PTPRJ: variants seen among roughly 807,000 people sequenced by gnomAD.
PTPRJ encodes the protein receptor-type tyrosine-protein phosphatase eta.
PTPRJ carries 129 observed loss-of-function variants against 141.3 expected under a neutral mutation model. The ratio of observed to expected loss-of-function variants is 0.91; its 90% CI spans 0.79 to 1.06. The LOEUF is 1.06. Ranked by LOEUF, PTPRJ falls within the 50% of genes least tolerant of loss-of-function variation. The pLI is 0.00. For synonymous variants in PTPRJ, 610 were observed against 640.5 expected (o/e 0.95, Z 0.72); for missense variants, 1,601 against 1,679.7 (o/e 0.95, Z 0.82).
chr11:48,048,960 G>T (rs541228180), intron 1 of PTPRJ, among the ~76,000 whole-genome samples: 1 of 152,294 alleles, frequency 6.6e-6, no homozygotes, highest in Non-Finnish European at 1.5e-5. Context: ...GGCTCACACA[G>T]CCAATGCTGG....
rs1264936893 is a variant in PTPRJ, at chr11:48,168,997, G to A, written c.*1635G>A. ...ATGTGTCCTGCTGTAAACAGGACAG[G>A]TGTGTCCTGTTGAGAATGTGAGCGG... On this transcript the variant is annotated 3_prime_UTR_variant, in exon 25 of 25. Transcript: ENST00000418331. The A allele has an allele frequency of 6.6e-6, 1 of 152,100 alleles. No homozygotes were observed. Among genetic ancestry groups the A allele is most frequent in the African/African-American group, 2.4e-5 (1 of 41,420 alleles). 9.4% of individuals were successfully genotyped at this position (152,100 alleles called of 1,614,324 possible).
At chr11:48,154,413 A>G (rs1426284403) in intron 19 of PTPRJ, among the ~76,000 whole-genome samples, 1 of 152,246 alleles carries the variant, frequency 6.6e-6, no homozygotes, top group Non-Finnish European at 1.5e-5. Flanking sequence ...TTGAGAATTA[A>G]CAATGTCTGC....
In PTPRJ at chr11:48,137,125, A is replaced by C; in HGVS notation, c.1996A>C (p.Asn666His). Residue 666 changes from asparagine (N) to histidine (H), a missense_variant, in exon 10 of 25, where the codon AAT (asparagine) becomes CAT (histidine). Transcript: ENST00000418331. ...SYCLLIEKAG[N>H]SSNATQVVTD... ...CTGCCTTCTTATTGAGAAGGCTGGA[A>C]ATTCCAGCAACGCAACACAAGTAGT... 1 of 1,612,462 alleles carries C rather than the reference A, an allele frequency of 6.2e-7. No homozygotes were observed. Among genetic ancestry groups the C allele is most frequent in the Non-Finnish European group, 8.5e-7 (1 of 1,178,464 alleles).
intron 2 of PTPRJ, 44 bp downstream of exon 2, chr11:48,110,120 C>T (rs1368656936): frequency 3.8e-6 from 6 of 1,585,670 alleles, no homozygotes; most frequent in African/African-American, 1.3e-5. Context: ...TTCGCTACTG[C>T]CCCCTAATGG....
In PTPRJ at chr11:48,027,488, A is replaced by G. The variant is rs145008647; in HGVS notation, c.96+46480A>G. ...AACTGAATCCCCTCCCTGTTCCCCA[A>G]CACAATAAAACTTCAGTGTCGTCTG... On this transcript the variant is annotated intron_variant, in intron 1 of 24. Coordinates refer to ENST00000418331, the MANE Select transcript of PTPRJ (RefSeq NM_002843.4). 5.5e-3 allele frequency among the ~76,000 whole-genome samples: 841 copies of G among 151,986 alleles called. 12 individuals are homozygous for G. Among genetic ancestry groups the G allele is most frequent in the African/African-American group, 0.019 (802 of 41,458 alleles).
chr11:48,019,051 C>G (rs939619457), intron 1 of PTPRJ, among the ~76,000 whole-genome samples: 4 of 151,940 alleles, frequency 2.6e-5, no homozygotes, highest in Admixed American at 2.6e-4. Flanking sequence ...GATGGAGAAC[C>G]CCTCTCAGGA....
chr11:48,157,043 G>A (rs1338413847), intron 21 of PTPRJ, among the ~76,000 whole-genome samples: 2 of 151,872 alleles, frequency 1.3e-5, no homozygotes, highest in African/African-American at 4.8e-5. Context: ...AGGCTGGAGT[G>A]CCGTGGTGTG....
chr11:48,107,752 G>A (rs577612679), intron 1 of PTPRJ, among the ~76,000 whole-genome samples: 15 of 152,268 alleles, frequency 9.9e-5, no homozygotes, highest in Admixed American at 2.0e-4. Flanking sequence ...CTGGGCCTCC[G>A]TGCCCTCTGC....
At chr11:48,104,970 G>T (rs1478095752) in intron 1 of PTPRJ, among the ~76,000 whole-genome samples, 3 of 152,076 alleles carry the variant, frequency 2.0e-5, no homozygotes, top group Non-Finnish European at 4.4e-5. Context: ...TGGAAAATGG[G>T]GATAAACACA....
intron 1 of PTPRJ, among the ~76,000 whole-genome samples, chr11:48,053,043 T>C (rs1590443221): frequency 7.1e-6 from 1 of 141,496 alleles, no homozygotes; most frequent in Non-Finnish European, 1.5e-5. Context: ...GCTCTGTGTT[T>C]CCAGATATTG....
chr11:48,009,929 C>G (rs926700559), intron 1 of PTPRJ, among the ~76,000 whole-genome samples: 3 of 152,252 alleles, frequency 2.0e-5, no homozygotes, highest in African/African-American at 7.2e-5. Context: ...TCAAGGCCCC[C>G]CATGCCTGTT....
chr11:48,146,531 C>G (rs1857354495), intron 14 of PTPRJ, among the ~76,000 whole-genome samples: 1 of 152,172 alleles, frequency 6.6e-6, no homozygotes, highest in African/African-American at 2.4e-5. Context: ...GTGCTAGTCT[C>G]AAAATGTCAG....
At chr11:48,086,243 G>A (rs1228905408) in intron 1 of PTPRJ, among the ~76,000 whole-genome samples, 1 of 152,044 alleles carries the variant, frequency 6.6e-6, no homozygotes, top group African/African-American at 2.4e-5. Context: ...GCATGATCTC[G>A]GCTCATTGCA....
chr11:48,002,972 T>TC (rs760902640), intron 1 of PTPRJ, among the ~76,000 whole-genome samples: 107 of 151,828 alleles, frequency 7.0e-4, no homozygotes, highest in Middle Eastern at 6.8e-3. Context: ...AAGCCCTTTA[T>TC]CCCCCCCATC....
At chr11:48,057,329 G>A (rs899084095) in intron 1 of PTPRJ, among the ~76,000 whole-genome samples, 2 of 152,202 alleles carry the variant, frequency 1.3e-5, no homozygotes, top group South Asian at 2.1e-4. Flanking sequence ...AGGTGCTTAT[G>A]ATTGGAGTTT....
chr11:48,072,795 G>A (rs1225312634), intron 1 of PTPRJ, among the ~76,000 whole-genome samples: 2 of 152,034 alleles, frequency 1.3e-5, no homozygotes, highest in African/African-American at 2.4e-5. Context: ...TTGCACAGAT[G>A]AACATTAATA....
chr11:48,091,777 C>T lies in PTPRJ; in HGVS notation c.97-18281C>T, dbSNP rs575540322. Among the ~76,000 whole-genome samples the T allele has an allele frequency of 2.0e-5, 3 of 152,308 alleles. 1 individual carries two copies. The South Asian group carries it at 6.2e-4, about 32-fold the overall frequency. ...TGGAAATACCTCCCAAGAGGCCTTG[C>T]TCTTTATGCAGGACTGTTATTTCAA... On this transcript the variant is annotated intron_variant, in intron 1 of 24. Coordinates refer to ENST00000418331, the MANE Select transcript of PTPRJ (RefSeq NM_002843.4).
At position 47,980,922 on chromosome 11, in the gene PTPRJ, G is replaced by A; in HGVS notation, c.10G>A (p.Ala4Thr). The change falls in exon 1 of 25, where the codon GCG becomes ACG. Residue 4 changes from alanine (A) to threonine (T), a missense_variant. Physicochemically the swap from Ala to Thr is moderately conservative, Grantham distance 58 (BLOSUM62 0). Transcript: ENST00000418331. MKP[A>T]AREARLPPRS... is the part of the protein sequence containing the mutation. The stretch of plus-strand genomic sequence containing the variant: ...CCAGGGCGCGCGGGGCATGAAGCCG[G>A]CGGCGCGGGAGGCGCGGCTGCCTCC... 8.5e-7 allele frequency: 1 copy of A among 1,176,000 alleles called. No homozygotes were observed. Among genetic ancestry groups the A allele is most frequent in the Non-Finnish European group, 1.0e-6 (1 of 952,692 alleles). The allele number at this position is 1,176,000 out of a possible 1,614,324, so 72.8% of individuals were successfully genotyped here. A position where few individuals can be genotyped will look rare whatever the true frequency, so the allele number is the denominator to read the frequency against.
At chr11:48,102,048 G>A (rs1340209211) in intron 1 of PTPRJ, among the ~76,000 whole-genome samples, 2 of 152,168 alleles carry the variant, frequency 1.3e-5, no homozygotes, top group Admixed American at 6.5e-5. Context: ...ATTTCAACCC[G>A]TGGACTTTGG....
Sources: gnomAD v4.1 joint callset for allele counts (sites outside exome capture counted in the v4.1 genomes callset) on GRCh38, gnomAD v4.1.1 for gene constraint, MANE v1.5 for transcripts, NCBI Gene and HGNC (gene_info 2026-07-23, HGNC 2026-07-21) for gene names.